The following LMBR1L variants were observed in gnomAD, a reference collection of about 807,000 sequenced individuals.
LMBR1L encodes protein LMBR1L.
In LMBR1L, 47 loss-of-function variants were observed where a neutral mutation model predicts 67.3. The ratio of observed to expected loss-of-function variants is 0.70; its 90% CI spans 0.55 to 0.89. The LOEUF (loss-of-function observed/expected upper bound fraction) is 0.89. Ranked by LOEUF, LMBR1L falls within the 40% of genes least tolerant of loss-of-function variation. The pLI, the probability that LMBR1L is intolerant of heterozygous loss-of-function variation, is 0.00. For synonymous variants in LMBR1L, 247 were observed against 250.3 expected (o/e 0.99, Z 0.13); for missense variants, 533 against 599.2 (o/e 0.89, Z 1.15).
intron 1 of LMBR1L, chr12:49,109,723 C>T (rs762925489): frequency 2.2e-6 from 1 of 456,574 alleles, no homozygotes; most frequent in South Asian, 1.5e-5. Flanking sequence ...CTGGGTACCC[C>T]TACCCCAGAA....
chr12:49,106,884 G>T, intron 2 of LMBR1L, 77 bp downstream of exon 2: 2 of 1,172,352 alleles, frequency 1.7e-6, no homozygotes, highest in South Asian at 1.2e-5. Flanking sequence ...CTTTCCCAGT[G>T]GGTACCATAG....
intron 5 of LMBR1L, 155 bp from the exon 6 acceptor site, chr12:49,103,968 C>T: frequency 1.4e-6 from 1 of 736,484 alleles, no homozygotes; most frequent in Non-Finnish European, 2.2e-6. Context: ...TGTCTTCCCA[C>T]TCCCCAGTCT....
chr12:49,103,915 G>A (rs1229327533), intron 5 of LMBR1L, 102 bp from the exon 6 acceptor site: 2 of 1,282,324 alleles, frequency 1.6e-6, no homozygotes, highest in Non-Finnish European at 2.2e-6. Flanking sequence ...TTGGATTCAG[G>A]AGGTAAGAGA....
intron 1 of LMBR1L, among the ~76,000 whole-genome samples, chr12:49,107,256 G>A (rs1941026214): frequency 1.3e-5 from 2 of 152,216 alleles, no homozygotes; most frequent in Non-Finnish European, 2.9e-5. Context: ...CCAGACAGGG[G>A]CTGCCCCATG....
At chr12:49,097,833 G>A (rs144688401) in intron 16 of LMBR1L, 94 bp from the exon 17 acceptor site, 24 of 1,593,500 alleles carry the variant, frequency 1.5e-5, no homozygotes, top group African/African-American at 1.5e-4. Flanking sequence ...GATGAGGTAC[G>A]TTACCCACAA....
At chr12:49,100,885 G>A (rs1052187906) in intron 13 of LMBR1L, 45 of 561,224 alleles carry the variant, frequency 8.0e-5, no homozygotes, top group Non-Finnish European at 1.2e-4. Flanking sequence ...GCACCACCAC[G>A]TCTGGCTAAT....
At position 49,101,265 on chromosome 12, in the gene LMBR1L, T is replaced by C. The variant is rs1315921467; in HGVS notation, c.1067A>G (p.Gln356Arg). The change falls in exon 13 of 17, where the codon CAG (glutamine) becomes CGG (arginine). Residue 356 changes from glutamine to arginine, a missense_variant. Gln to Arg is a conservative substitution (Grantham distance 43). Transcript: ENST00000267102. ...AGAAGGATACAAGATGAGTACAACCTGAATGACGGCACCAAAGGAGCCCAG... is the reference window on the plus strand; with the variant it reads ...AGAAGGATACAAGATGAGTACAACCCGAATGACGGCACCAAAGGAGCCCAG... ...SKLGSFGAVI[Q>R]VVLIFYLMVS... The C allele has an allele frequency of 1.2e-6, 2 of 1,614,146 alleles. No individual in the cohort carries two copies. The highest frequency in any genetic ancestry group is 8.5e-7 in the Non-Finnish European group (1 of 1,180,016).
chr12:49,108,181 T>C (rs1310528151), intron 1 of LMBR1L, among the ~76,000 whole-genome samples: 1 of 151,970 alleles, frequency 6.6e-6, no homozygotes, highest in Non-Finnish European at 1.5e-5. Context: ...GAGAATCACT[T>C]GAATTCAGGA....
At chr12:49,106,719 A>T (rs372115574) in intron 2 of LMBR1L, 1 of 967,938 alleles carries the variant, frequency 1.0e-6, no homozygotes, top group Non-Finnish European at 1.6e-6. Flanking sequence ...GTAGGTAGAC[A>T]TTGTTACGCC....
In LMBR1L at chr12:49,110,615, G is replaced by A. The variant is rs780794869; in HGVS notation, c.-60C>T. On this transcript the variant is annotated 5_prime_UTR_variant, in exon 1 of 17. Transcript: ENST00000267102. ...TGGGCCCGGGGAGGACGAGCGGGGAGGAAGCCGCCGCCGCCAAGCACCCAG... is the reference window on the plus strand; with the variant it reads ...TGGGCCCGGGGAGGACGAGCGGGGAAGAAGCCGCCGCCGCCAAGCACCCAG... 24 of 1,500,836 alleles carry A rather than the reference G, an allele frequency of 1.6e-5. No individual in the cohort carries two copies. Among genetic ancestry groups the A allele is most frequent in the Non-Finnish European group, 2.1e-5 (23 of 1,078,726 alleles). The allele number at this position is 1,500,836 out of a possible 1,614,324, so 93.0% of individuals were successfully genotyped here.
chr12:49,110,528 A>C lies in LMBR1L; in HGVS notation c.28T>G (p.Ser10Ala). The change falls in exon 1 of 17, where the codon TCC becomes GCC. Residue 10 changes from serine to alanine, a missense_variant. Physicochemically the swap from Ser to Ala is moderately conservative, Grantham distance 99. Coordinates refer to ENST00000267102, the MANE Select transcript of LMBR1L (RefSeq NM_018113.4). ...TCGTGGAATAGCTGTTCTCGCACGG[A>C]TAGCACTTCGTAGTCAGGTGCTTCC... Reference protein sequence around the residue: MEAPDYEVLSVREQLFHERI... With the variant: MEAPDYEVLAVREQLFHERI... 6.2e-7 allele frequency: 1 copy of C among 1,614,070 alleles called. No individual in the cohort carries two copies. Among genetic ancestry groups the C allele is most frequent in the Non-Finnish European group, 8.5e-7 (1 of 1,179,976 alleles).
At chr12:49,108,634 T>G (rs1592230213) in intron 1 of LMBR1L, among the ~76,000 whole-genome samples, 1 of 148,892 alleles carries the variant, frequency 6.7e-6, no homozygotes, top group Non-Finnish European at 1.5e-5. Context: ...CTCGGGAGGC[T>G]GAGGTACAAG....
intron 10 of LMBR1L, 47 bp downstream of exon 10, chr12:49,102,246 T>A: frequency 6.2e-7 from 1 of 1,613,322 alleles, no homozygotes; most frequent in Non-Finnish European, 8.5e-7. Context: ...CAGGGGCTAC[T>A]CTCCTTGGGG....
Position 49,100,614 on chromosome 12 carries a change from T to C in LMBR1L, c.1115A>G (p.Tyr372Cys), listed in dbSNP as rs763803260. The change falls in exon 14 of 17, where the codon TAT becomes TGT. Residue 372 changes from tyrosine (Y) to cysteine (C), a missense_variant. Coordinates refer to ENST00000267102, the MANE Select transcript of LMBR1L (RefSeq NM_018113.4). ...CAGGCTCCGGAAGAGTGGAGAGCTA[T>C]AGAAGCCCACAACTGAGGACACCAT... ...YLMVSSVVGF[Y>C]SSPLFRSLRP... is the part of the protein sequence containing the mutation. 6.2e-7 allele frequency: 1 copy of C among 1,614,078 alleles called. No individual in the cohort carries two copies. Among genetic ancestry groups the C allele is most frequent in the Non-Finnish European group, 8.5e-7 (1 of 1,179,976 alleles).
intron 1 of LMBR1L, chr12:49,109,940 T>C: frequency 2.4e-6 from 1 of 421,766 alleles, no homozygotes; most frequent in Non-Finnish European, 4.8e-6. Context: ...AATACTTGGT[T>C]GTTCCTCATC....
chr12:49,102,070 G>T, intron 11 of LMBR1L, 50 bp downstream of exon 11: 3 of 1,506,524 alleles, frequency 2.0e-6, no homozygotes, highest in Non-Finnish European at 2.8e-6. Context: ...CCCTGAGAAG[G>T]CCTCAAGTAC....
chr12:49,100,579 A>G lies in LMBR1L; in HGVS notation c.1150T>C (p.Trp384Arg), dbSNP rs370212450. The G allele has an allele frequency of 6.2e-7, 1 of 1,614,048 alleles. No individual in the cohort carries two copies. Among genetic ancestry groups the G allele is most frequent in the South Asian group, 1.1e-5 (1 of 91,082 alleles). ...SPLFRSLRPRWHDTAMTQIIG... is the reference protein window; with the variant it reads ...SPLFRSLRPRRHDTAMTQIIG... ...ACCTGCGTCATGGCAGTGTCGTGCC[A>G]TCTGGGCCGCAGGCTCCGGAAGAGT... The change falls in exon 14 of 17, where the codon TGG becomes CGG. Residue 384 changes from tryptophan to arginine, a missense_variant. By Grantham distance (101) the Trp-to-Arg change is moderately radical. Around this residue, in one of 3 missense-constraint regions of LMBR1L, gnomAD observed 223 missense variants for 241.2 expected, o/e 0.92. Coordinates refer to ENST00000267102, the MANE Select transcript of LMBR1L (RefSeq NM_018113.4).
intron 3 of LMBR1L, 46 bp from the exon 4 acceptor site, chr12:49,104,931 T>C (rs1565595546): frequency 6.4e-7 from 1 of 1,572,114 alleles, no homozygotes. Context: ...CAGCACTCAC[T>C]ACCCTGTGCT....
chr12:49,109,347 C>A (rs888067790), intron 1 of LMBR1L, among the ~76,000 whole-genome samples: 1 of 152,160 alleles, frequency 6.6e-6, no homozygotes, highest in African/African-American at 2.4e-5. Context: ...GGACTGTCCA[C>A]CAAGAAACAC....
Sources: gnomAD v4.1 joint callset for allele counts (sites outside exome capture counted in the v4.1 genomes callset) on GRCh38, gnomAD v4.1.1 for gene constraint, gnomAD v4.1.1 regional missense constraint, MANE v1.5 for transcripts, NCBI Gene and HGNC (gene_info 2026-07-23, HGNC 2026-07-21) for gene names.